The following F8 variants were observed in gnomAD, a reference collection of about 807,000 sequenced individuals.
The protein encoded by F8 is antihemophilic factor.
In F8, 12 loss-of-function variants were observed where a neutral mutation model predicts 140.6. That is an observed-to-expected ratio of 0.09 (90% CI 0.05 to 0.14). F8 has a LOEUF of 0.14. F8 is among the 10% of genes least tolerant of loss of function. F8 has a pLI of 1.00. For missense variants in F8, 1,354 were observed against 1,720.7 expected (o/e 0.79, Z 3.77); for synonymous variants, 585 against 614.6 (o/e 0.95, Z 0.71).
chrX:154,979,758 C>T (rs1390166627), intron 6 of F8, among the ~76,000 whole-genome samples: 2 of 111,973 alleles, frequency 1.8e-5, no homozygotes, highest in Non-Finnish European at 3.8e-5. Flanking sequence ...GCCTAAGTCA[C>T]GGCCATCATA....
In F8 at chrX:154,975,828, G is replaced by C. The variant is rs147963994; in HGVS notation, c.788-6276C>G. Among the ~76,000 whole-genome samples, 121 of 111,975 alleles carry C rather than the reference G, an allele frequency of 1.1e-3. No individual in the cohort carries two copies. In the East Asian group the frequency reaches 0.033, roughly 30 times the overall value. Reference sequence around the variant, plus strand: ...TAATATATTTAGGTGCTCCAATGTTGGGTGTATATATATTTATGCTTGTTA... The same window carrying C: ...TAATATATTTAGGTGCTCCAATGTTCGGTGTATATATATTTATGCTTGTTA... On this transcript the variant is annotated intron_variant, in intron 6 of 25. Coordinates refer to ENST00000360256, the MANE Select transcript of F8 (RefSeq NM_000132.4).
At chrX:154,981,466 T>C (rs782597958) in intron 6 of F8, among the ~76,000 whole-genome samples, 12 of 108,107 alleles carry the variant, frequency 1.1e-4, no homozygotes, top group Non-Finnish European at 2.1e-4. Flanking sequence ...AACCTTTATC[T>C]AGTAGACCAC....
intron 13 of F8, among the ~76,000 whole-genome samples, chrX:154,939,444 G>T (rs2073244464): frequency 8.9e-6 from 1 of 112,666 alleles, no homozygotes; most frequent in Non-Finnish European, 1.9e-5. Flanking sequence ...AGATCAAACT[G>T]CAAGGTGGCA....
Position 154,930,695 on chromosome X carries a change from G to A in F8, c.3095C>T (p.Thr1032Ile). 5 of 1,208,969 alleles carry A rather than the reference G, an allele frequency of 4.1e-6. No homozygotes were observed. Among genetic ancestry groups the A allele is most frequent in the Non-Finnish European group, 5.6e-6 (5 of 893,871 alleles). Residue 1032 changes from threonine to isoleucine, a missense_variant, in exon 14 of 26, where the codon ACT (threonine) becomes ATT (isoleucine). Thr to Ile is a moderately conservative substitution (Grantham distance 89, BLOSUM62 -1). Around this residue, in one of 4 missense-constraint regions of F8, gnomAD observed 658 missense variants for 666.5 expected, o/e 0.99. Transcript: ENST00000360256. Reference sequence around the variant, plus strand: ...TAATAATGATGGGCCATCAATGTGAGTCTTTCTATTAGTTGCTGAATTATT... The same window carrying A: ...TAATAATGATGGGCCATCAATGTGAATCTTTCTATTAGTTGCTGAATTATT... ...TSNNSATNRKTHIDGPSLLIE... is the reference protein window; with the variant it reads ...TSNNSATNRKIHIDGPSLLIE...
chrX:154,978,758 C>G (rs1485478266), intron 6 of F8, among the ~76,000 whole-genome samples: 1 of 110,019 alleles, frequency 9.1e-6, no homozygotes, highest in Non-Finnish European at 1.9e-5. Flanking sequence ...TAGGAAAGAA[C>G]TTTTTCCTGA....
chrX:154,995,136 G>C (rs906859290), intron 3 of F8, among the ~76,000 whole-genome samples: 1 of 111,803 alleles, frequency 8.9e-6, no homozygotes, highest in Admixed American at 9.5e-5. Context: ...ATGGGCACAT[G>C]TTTGTTTGTT....
intron 22 of F8, among the ~76,000 whole-genome samples, chrX:154,875,774 T>A (rs199739211): frequency 4.2e-5 from 4 of 95,659 alleles, no homozygotes; most frequent in African/African-American, 1.6e-4. Context: ...TGTGTGTGTG[T>A]AGAGAGAGAG....
At position 154,846,306 on chromosome X, in the gene F8, C is replaced by G. The variant is rs782473375; in HGVS notation, c.6901-8554G>C. 9.0e-5 allele frequency among the ~76,000 whole-genome samples: 10 copies of G among 111,656 alleles called. No individual in the cohort carries two copies. The Admixed American group carries it at 9.5e-4, about 11-fold the overall frequency. On this transcript the variant is annotated intron_variant, in intron 25 of 25. Transcript: ENST00000360256. The stretch of plus-strand genomic sequence containing the variant: ...TGTAGATGTCTATTAGGTCCGCTTG[C>G]TGCAGAGCTGAGTTCAATTCCTGGA...
chrX:154,928,044 A>T (rs1271077634), intron 14 of F8, among the ~76,000 whole-genome samples: 3 of 112,115 alleles, frequency 2.7e-5, no homozygotes, highest in African/African-American at 9.7e-5. Context: ...TTTCCAATAG[A>T]ATATAAGCTC....
intron 25 of F8, among the ~76,000 whole-genome samples, chrX:154,839,393 C>T (rs1196520526): frequency 1.9e-5 from 2 of 104,103 alleles, no homozygotes; most frequent in Admixed American, 1.0e-4. Flanking sequence ...GACGGAGTCT[C>T]GCTCTGTCGC....
rs1557284057 is a variant in F8, at chrX:154,984,771, A to G, written c.703T>C (p.Leu235=). The change falls in exon 6 of 26, where the codon TTG becomes CTG. Residue 235 remains leucine, a synonymous_variant. Transcript: ENST00000360256. ...GATGCAGCATCCCTATCCTGCATCA[A>G]GGAGTTCTTTGTTTCTGAGTGCCAA... ...KSWHSETKNS[L]MQDRDAASAR... 6.6e-6 allele frequency: 8 copies of G among 1,209,299 alleles called. No individual in the cohort carries two copies. Among genetic ancestry groups the G allele is most frequent in the Non-Finnish European group, 5.6e-6 (5 of 894,586 alleles).
At chrX:154,863,319 T>C (rs1243974460) in intron 22 of F8, 92 bp from the exon 23 acceptor site, 14 of 889,330 alleles carry the variant, frequency 1.6e-5, no homozygotes, top group African/African-American at 5.9e-5. Flanking sequence ...ATTTGCTTTG[T>C]GCGTTTCTCA....
chrX:154,861,329 A>C (rs1557272849), intron 24 of F8, among the ~76,000 whole-genome samples: 2 of 111,430 alleles, frequency 1.8e-5, no homozygotes, highest in African/African-American at 6.5e-5. Context: ...CAGGGCCAAA[A>C]TTTTTCACAA....
intron 6 of F8, among the ~76,000 whole-genome samples, chrX:154,979,825 G>A (rs1218398143): frequency 8.9e-6 from 1 of 111,770 alleles, no homozygotes; most frequent in Non-Finnish European, 1.9e-5. Context: ...CAGCTGCTTG[G>A]GAGAATTGCA....
intron 20 of F8, among the ~76,000 whole-genome samples, chrX:154,901,068 C>T (rs782277781): frequency 4.5e-5 from 5 of 111,983 alleles, no homozygotes; most frequent in Admixed American, 9.5e-5. Context: ...CAAACTTTAC[C>T]ATTACTGCTC....
chrX:154,851,309 T>C (rs946957416), intron 25 of F8, among the ~76,000 whole-genome samples: 1 of 112,559 alleles, frequency 8.9e-6, no homozygotes, highest in Non-Finnish European at 1.9e-5. Flanking sequence ...ACATTTGAAT[T>C]GTTTTCACCT....
intron 11 of F8, among the ~76,000 whole-genome samples, chrX:154,955,629 CAT>C (rs1557281130): frequency 1.8e-5 from 2 of 110,582 alleles, no homozygotes; most frequent in African/African-American, 6.6e-5. Context: ...GGTGACATCA[CAT>C]GTCGGCAGGT....
At chrX:154,839,540 T>G (rs1158514385) in intron 25 of F8, among the ~76,000 whole-genome samples, 2 of 109,674 alleles carry the variant, frequency 1.8e-5, no homozygotes, top group Admixed American at 1.9e-4. Context: ...TTTTTTGTAT[T>G]TTTAGTAGAG....
At chrX:154,981,089 T>C (rs1296531538) in intron 6 of F8, among the ~76,000 whole-genome samples, 1 of 111,880 alleles carries the variant, frequency 8.9e-6, no homozygotes, top group African/African-American at 3.3e-5. Flanking sequence ...CAGAGGGCAC[T>C]CAGGCCATAC....
Sources: gnomAD v4.1 joint callset for allele counts (sites outside exome capture counted in the v4.1 genomes callset) on GRCh38, gnomAD v4.1.1 for gene constraint, gnomAD v4.1.1 regional missense constraint, MANE v1.5 for transcripts, NCBI Gene and HGNC (gene_info 2026-07-23, HGNC 2026-07-21) for gene names.